The following CYTH3 variants were observed in gnomAD, a reference collection of about 807,000 sequenced individuals.
CYTH3 encodes the protein cytohesin 3, also known as cytohesin-3.
Under a neutral mutation model 55.1 loss-of-function variants are expected in CYTH3, and 23 were observed. The observed-to-expected ratio is 0.42, with a 90% CI of 0.30 to 0.59. The LOEUF (loss-of-function observed/expected upper bound fraction) is 0.59, where lower values mean the gene tolerates loss of function less well. CYTH3 is among the 20% of genes least tolerant of loss of function. The pLI is 0.20. For synonymous variants in CYTH3, 249 were observed against 194.9 expected (o/e 1.28, Z -2.31); for missense variants, 413 against 524.8 (o/e 0.79, Z 2.08).
At chr7:6,202,461 T>TG (rs1331854051) in intron 1 of CYTH3, among the ~76,000 whole-genome samples, 1 of 149,498 alleles carries the variant, frequency 6.7e-6, no homozygotes, top group African/African-American at 2.5e-5. Flanking sequence ...TTGCTAGTTT[T>TG]TTTTTTTTTT....
intron 1 of CYTH3, among the ~76,000 whole-genome samples, chr7:6,215,553 G>A (rs543279557): frequency 1.4e-5 from 2 of 143,932 alleles, no homozygotes; most frequent in South Asian, 2.2e-4. Flanking sequence ...TCGCGCCACC[G>A]CACTCCAGCC....
chr7:6,272,005 C>T (rs35372475), intron 1 of CYTH3, among the ~76,000 whole-genome samples: 13 of 152,194 alleles, frequency 8.5e-5, no homozygotes, highest in Admixed American at 7.9e-4. Context: ...CCTGTACACT[C>T]GAGGAGCCTC....
intron 2 of CYTH3, among the ~76,000 whole-genome samples, chr7:6,189,980 G>A (rs1433829540): frequency 6.6e-6 from 1 of 152,098 alleles, no homozygotes; most frequent in South Asian, 2.1e-4. Flanking sequence ...AGGATGCAGT[G>A]AGCCCAGATT....
chr7:6,251,061 G>C (rs557706221), intron 1 of CYTH3, among the ~76,000 whole-genome samples: 2 of 152,224 alleles, frequency 1.3e-5, no homozygotes, highest in South Asian at 4.1e-4. Flanking sequence ...GGTGGACTGA[G>C]GTCAGGAGTT....
intron 5 of CYTH3, among the ~76,000 whole-genome samples, chr7:6,174,175 G>A (rs1316428442): frequency 6.6e-6 from 1 of 151,734 alleles, no homozygotes; most frequent in Non-Finnish European, 1.5e-5. Flanking sequence ...ATACAATGGC[G>A]TGATCTCAAC....
At chr7:6,250,639 C>G (rs1353476332) in intron 1 of CYTH3, among the ~76,000 whole-genome samples, 1 of 152,126 alleles carries the variant, frequency 6.6e-6, no homozygotes, top group East Asian at 1.9e-4. Context: ...GTGACATGTC[C>G]ATGGAAACAA....
intron 1 of CYTH3, among the ~76,000 whole-genome samples, chr7:6,207,153 G>C (rs1167859812): frequency 7.3e-6 from 1 of 137,730 alleles, no homozygotes; most frequent in Non-Finnish European, 1.5e-5. Context: ...GGAGTGCAGT[G>C]GCGCGATCTT....
At chr7:6,251,686 AAT>A (rs1241563198) in intron 1 of CYTH3, among the ~76,000 whole-genome samples, 10 of 152,228 alleles carry the variant, frequency 6.6e-5, no homozygotes, top group Admixed American at 5.9e-4. Context: ...CTGAATAATA[AAT>A]ATGTTTATGA....
At chr7:6,196,366 T>A (rs1303260304) in intron 1 of CYTH3, among the ~76,000 whole-genome samples, 2 of 151,276 alleles carry the variant, frequency 1.3e-5, no homozygotes, top group East Asian at 3.9e-4. Context: ...CCCAGAGAGA[T>A]CAAATAAAAT....
intron 1 of CYTH3, among the ~76,000 whole-genome samples, chr7:6,237,358 C>T (rs985195977): frequency 1.3e-5 from 2 of 152,150 alleles, no homozygotes; most frequent in African/African-American, 4.8e-5. Flanking sequence ...ACTACACTGA[C>T]GAAATTAGTT....
intron 1 of CYTH3, among the ~76,000 whole-genome samples, chr7:6,226,825 A>C (rs1461749860): frequency 1.3e-5 from 2 of 152,190 alleles, no homozygotes; most frequent in African/African-American, 2.4e-5. Flanking sequence ...TCATGCCTGT[A>C]ATCCTAGCAC....
At position 6,258,320 on chromosome 7, in the gene CYTH3, A is replaced by AAAAAG. The variant is rs1780185791; in HGVS notation, c.34+14149_34+14153dup. On this transcript the variant is annotated intron_variant, in intron 1 of 12. Coordinates refer to ENST00000350796, the MANE Select transcript of CYTH3 (RefSeq NM_004227.4). ...AGAGCAAGACACAGTCTCAAAAAAA[A>AAAAAG]AAAAGAAAAGAAAAGAAACGCAACT... Among the ~76,000 whole-genome samples, 4 of 151,912 alleles carry AAAAAG rather than the reference A, an allele frequency of 2.6e-5. No individual in the cohort carries two copies. In the South Asian group the frequency reaches 6.2e-4, roughly 24 times the overall value.
intron 1 of CYTH3, among the ~76,000 whole-genome samples, chr7:6,259,817 T>TATATATATAATATATATATATA (rs1780296407): frequency 3.8e-5 from 1 of 26,116 alleles, no homozygotes; most frequent in Admixed American, 6.8e-4. Context: ...ATATATAATA[T>TATATATATAATATATATATATA]ATATATATAT....
At chr7:6,177,271 G>C (rs941351314) in intron 5 of CYTH3, among the ~76,000 whole-genome samples, 1 of 152,144 alleles carries the variant, frequency 6.6e-6, no homozygotes, top group Admixed American at 6.5e-5. Context: ...GAACTACTGG[G>C]CTTTTGTTTA....
At chr7:6,205,243 T>C (rs902527653) in intron 1 of CYTH3, among the ~76,000 whole-genome samples, 5 of 152,014 alleles carry the variant, frequency 3.3e-5, no homozygotes, top group South Asian at 2.1e-4. Context: ...TCTAAATAAA[T>C]CATTGGTCAA....
At chr7:6,259,826 ATATATATTTTTT>A (rs1161404537) in intron 1 of CYTH3, among the ~76,000 whole-genome samples, 5 of 22,782 alleles carry the variant, frequency 2.2e-4, no homozygotes, top group African/African-American at 1.9e-3. Context: ...ATATATATAT[ATATATATTTTTT>A]TTTTTTTTTA....
At chr7:6,213,034 T>C (rs1053567035) in intron 1 of CYTH3, among the ~76,000 whole-genome samples, 3 of 152,254 alleles carry the variant, frequency 2.0e-5, no homozygotes, top group African/African-American at 7.2e-5. Flanking sequence ...GTATTAATAC[T>C]ATTAGTAGCA....
chr7:6,245,438 C>T (rs1030482466), intron 1 of CYTH3, among the ~76,000 whole-genome samples: 1 of 152,200 alleles, frequency 6.6e-6, no homozygotes, highest in Non-Finnish European at 1.5e-5. Context: ...GAAGCTCACA[C>T]TGCTCTCTAC....
At chr7:6,265,802 G>C (rs758179824) in intron 1 of CYTH3, among the ~76,000 whole-genome samples, 1 of 152,098 alleles carries the variant, frequency 6.6e-6, no homozygotes, top group Non-Finnish European at 1.5e-5. Context: ...TGTGAACAAG[G>C]ATGACAATGG....
Sources: allele counts gnomAD v4.1 joint callset (sites outside exome capture counted in the v4.1 genomes callset), GRCh38; gene constraint gnomAD v4.1.1; transcripts MANE v1.5; gene names NCBI Gene and HGNC (gene_info 2026-07-23, HGNC 2026-07-21).